Variants in ANKMY1 observed in about 807,000 individuals in gnomAD.
The protein encoded by ANKMY1 is ankyrin repeat and MYND domain containing 1, also known as ankyrin repeat and MYND domain-containing protein 1.
ANKMY1 carries 98 observed loss-of-function variants against 102.0 expected under a neutral mutation model. The observed-to-expected ratio is 0.96, with a 90% CI of 0.82 to 1.14. The LOEUF is 1.14. Among genes scored for constraint, ANKMY1 ranks in the 50% most tolerant of loss-of-function variants. The pLI is 0.00. For synonymous variants in ANKMY1, 582 were observed against 559.9 expected (o/e 1.04, Z -0.56); for missense variants, 1,330 against 1,347.6 (o/e 0.99, Z 0.20).
upstream of ANKMY1, chr2:240,560,507 C>A: frequency 1.0e-6 from 1 of 996,474 alleles, no homozygotes; most frequent in African/African-American, 1.7e-5. Context: ...ACCCAAGCCC[C>A]CTGTCCCGGC....
At chr2:240,546,355 A>C (rs2090368032) in intron 4 of ANKMY1, among the ~76,000 whole-genome samples, 1 of 152,200 alleles carries the variant, frequency 6.6e-6, no homozygotes, top group Non-Finnish European at 1.5e-5. Context: ...GAGCTCCTGA[A>C]GGAAGCGCTA....
intron 4 of ANKMY1, among the ~76,000 whole-genome samples, chr2:240,551,900 C>T (rs1173261592): frequency 6.6e-6 from 1 of 152,198 alleles, no homozygotes; most frequent in Non-Finnish European, 1.5e-5. Context: ...ATCTGAGTTT[C>T]TTCCTCAGGA....
At chr2:240,473,123 T>TAAAAAAAAAA in the ANKMY1 span, among the ~76,000 whole-genome samples, 8 of 108,404 alleles carry the variant, frequency 7.4e-5, no homozygotes, top group Admixed American at 9.8e-5. Context: ...AAACTCTGTC[T>TAAAAAAAAAA]AAAAAAAAAA....
At position 240,525,677 on chromosome 2, in the gene ANKMY1, G is replaced by A. The variant is rs562506009; in HGVS notation, c.1335+8C>T. The A allele has an allele frequency of 4.3e-6, 7 of 1,613,522 alleles. No homozygotes were observed. Among genetic ancestry groups the A allele is most frequent in the South Asian group, 3.3e-5 (3 of 91,000 alleles). On this transcript the variant is annotated splice_region_variant and intron_variant, in intron 7 of 17. Coordinates refer to ENST00000401804, the MANE Select transcript of ANKMY1 (RefSeq NM_001282771.3). Reference sequence around the variant, plus strand: ...AGTTGGTGGTGCAGTGGCCACCGGGGGGCTTACCTGGGGCTCAGGTATGGT... The same window carrying A: ...AGTTGGTGGTGCAGTGGCCACCGGGAGGCTTACCTGGGGCTCAGGTATGGT...
At chr2:240,478,501 TCACA>T (rs1413765697), downstream of ANKMY1, among the ~76,000 whole-genome samples, 2 of 152,040 alleles carry the variant, frequency 1.3e-5, no homozygotes, top group African/African-American at 4.8e-5. Context: ...GGGAGCCAGC[TCACA>T]CAGTTACGAC....
chr2:240,534,690 A>C (rs1389942359), intron 4 of ANKMY1, among the ~76,000 whole-genome samples: 2 of 152,276 alleles, frequency 1.3e-5, no homozygotes, highest in African/African-American at 2.4e-5. Flanking sequence ...ATATGGTCTC[A>C]AAATAAATAA....
chr2:240,494,895 T>A (rs553940088), intron 15 of ANKMY1, among the ~76,000 whole-genome samples: 2 of 151,966 alleles, frequency 1.3e-5, no homozygotes, highest in South Asian at 4.2e-4. Flanking sequence ...ATAAAACATA[T>A]AAAATAACAA....
At position 240,529,218 on chromosome 2, in the gene ANKMY1, C is replaced by T. The variant is rs999995916; in HGVS notation, c.772G>A (p.Glu258Lys). 7 of 1,614,114 alleles carry T rather than the reference C, an allele frequency of 4.3e-6. No homozygotes were observed. The highest frequency in any genetic ancestry group is 4.0e-5 in the African/African-American group (3 of 74,932). ...CTGTTGGTCGAGTAGACATACATTT[C>T]TGGAGGCAGCGTTAGGTTGTCATTC... ...LLNDNLTLPP[E>K]MYVYSTNSDH... Residue 258 changes from glutamate to lysine, a missense_variant, in exon 5 of 18, where the codon GAA becomes AAA. Physicochemically the swap from Glu to Lys is moderately conservative, Grantham distance 56. Coordinates refer to ENST00000401804, the MANE Select transcript of ANKMY1 (RefSeq NM_001282771.3). This position sits in a 1 kb window ranked among gnomAD's most constrained non-coding sequence, Gnocchi z 4.2.
chr2:240,521,188 G>A (rs1359023170), intron 8 of ANKMY1, among the ~76,000 whole-genome samples: 3 of 152,200 alleles, frequency 2.0e-5, no homozygotes, highest in South Asian at 4.1e-4. Context: ...ATGAGGGCAG[G>A]GCAGGTGTAG....
chr2:240,558,929 T>C (rs1345489395), upstream of ANKMY1, among the ~76,000 whole-genome samples: 1 of 152,198 alleles, frequency 6.6e-6, no homozygotes, highest in African/African-American at 2.4e-5. Context: ...ACTCTAATAT[T>C]TTCATGTAGT....
At chr2:240,557,417 C>T in intron 1 of ANKMY1, 65 bp from the exon 2 acceptor site, 3 of 1,401,202 alleles carry the variant, frequency 2.1e-6, no homozygotes, top group Non-Finnish European at 9.4e-7. Flanking sequence ...AGAGGGCGCC[C>T]GAGGCCCGGC....
chr2:240,539,016 C>A (rs560463860), intron 4 of ANKMY1, among the ~76,000 whole-genome samples: 2 of 152,286 alleles, frequency 1.3e-5, no homozygotes, highest in African/African-American at 4.8e-5. Context: ...TCAAAATGGA[C>A]CGATCAGCTC....
the ANKMY1 span, among the ~76,000 whole-genome samples, chr2:240,469,898 ATCC>A: frequency 2.0e-5 from 3 of 151,972 alleles, no homozygotes; most frequent in Middle Eastern, 3.2e-3. Flanking sequence ...GTGCACACAC[ATCC>A]TCCTGCACAT....
the ANKMY1 span, among the ~76,000 whole-genome samples, chr2:240,472,300 T>TACGGCC: frequency 2.3e-4 from 30 of 132,344 alleles, no homozygotes; most frequent in South Asian, 1.2e-3. Flanking sequence ...AATCTACAAC[T>TACGGCC]GCACAGGCTG....
intron 15 of ANKMY1, among the ~76,000 whole-genome samples, chr2:240,493,816 A>G (rs2076919692): frequency 6.6e-6 from 1 of 152,120 alleles, no homozygotes; most frequent in South Asian, 2.1e-4. Context: ...GTCAGTTCTT[A>G]GGGCTCCAAA....
Position 240,533,718 on chromosome 2 carries a change from A to AACACACAC in ANKMY1, c.481-4217_481-4210dup, listed in dbSNP as rs34916770. On this transcript the variant is annotated intron_variant, in intron 4 of 17. Coordinates refer to ENST00000401804, the MANE Select transcript of ANKMY1 (RefSeq NM_001282771.3). ...ACAATTATTGGGCTGGATTTCAATA[A>AACACACAC]ACACACACACACACACACACACACA... is the stretch of plus-strand genomic sequence containing the variant. 6.2e-3 allele frequency among the ~76,000 whole-genome samples: 896 copies of AACACACAC among 145,612 alleles called. 9 individuals carry two copies. Among genetic ancestry groups the AACACACAC allele is most frequent in the Admixed American group, 0.018 (260 of 14,480 alleles).
At chr2:240,474,250 C>G in the ANKMY1 span, among the ~76,000 whole-genome samples, 2 of 149,480 alleles carry the variant, frequency 1.3e-5, no homozygotes. Context: ...CGCCCACCAC[C>G]ATGCCTGGCT....
chr2:240,519,132 C>A (rs1375939278), intron 9 of ANKMY1, among the ~76,000 whole-genome samples: 3 of 152,212 alleles, frequency 2.0e-5, no homozygotes, highest in Non-Finnish European at 4.4e-5. Flanking sequence ...CATGGGTCTG[C>A]ATAATGGGCC....
chr2:240,559,697 T>C (rs560065721), upstream of ANKMY1, among the ~76,000 whole-genome samples: 137 of 152,352 alleles, frequency 9.0e-4, 1 homozygote, highest in African/African-American at 3.2e-3. Flanking sequence ...ACGGAGGTGA[T>C]GTCTGGAGCT....
Sources: allele counts gnomAD v4.1 joint callset (sites outside exome capture counted in the v4.1 genomes callset), GRCh38; gene constraint gnomAD v4.1.1; non-coding constraint Gnocchi (gnomAD v3.1); transcripts MANE v1.5; gene names NCBI Gene and HGNC (gene_info 2026-07-23, HGNC 2026-07-21).